N4BP1: variants seen among roughly 807,000 people sequenced by gnomAD.
N4BP1 encodes NEDD4 binding protein 1.
N4BP1 carries 21 observed loss-of-function variants against 70.9 expected under a neutral mutation model. That is an observed-to-expected ratio of 0.30 (90% CI 0.21 to 0.43). N4BP1 has a LOEUF of 0.43. Ranked by LOEUF, N4BP1 falls within the 20% of genes least tolerant of loss-of-function variation. The probability of loss-of-function intolerance (pLI) is 1.00; values close to 1 mark genes in which losing one functional copy is unlikely to be tolerated. For missense variants in N4BP1, 936 were observed against 1,069.4 expected (o/e 0.88, Z 1.74); for synonymous variants, 387 against 394.6 (o/e 0.98, Z 0.23).
intron 1 of N4BP1, among the ~76,000 whole-genome samples, chr16:48,569,677 T>C (rs765003540): frequency 6.6e-6 from 1 of 152,176 alleles, no homozygotes; most frequent in African/African-American, 2.4e-5. Context: ...ATTATAGGCA[T>C]GAGCCACCAT....
intron 6 of N4BP1, among the ~76,000 whole-genome samples, chr16:48,544,424 CTG>C (rs1159170825): frequency 6.6e-6 from 1 of 152,176 alleles, no homozygotes; most frequent in Non-Finnish European, 1.5e-5. Flanking sequence ...GCTGAGAGAG[CTG>C]TGTGTCTTCC....
Position 48,610,077 on chromosome 16 carries a change from G to C in N4BP1, c.-105C>G. On this transcript the variant is annotated 5_prime_UTR_variant, in exon 1 of 7. Coordinates refer to ENST00000262384, the MANE Select transcript of N4BP1 (RefSeq NM_153029.4). ...CAGTCAGGCGGCGTCGGCCCTTCCC[G>C]GCCGCCTCGCCCCCGCCCGCGCCCC... 2 of 604,734 alleles carry C rather than the reference G, an allele frequency of 3.3e-6. No individual in the cohort carries two copies. The highest frequency in any genetic ancestry group is 4.2e-6 in the Non-Finnish European group (2 of 478,686). The allele number at this position is 604,734 out of a possible 1,614,324, so 37.5% of individuals were successfully genotyped here. A position where few individuals can be genotyped will look rare whatever the true frequency, so the allele number is the denominator to read the frequency against.
chr16:48,604,127 C>T (rs1964541895), intron 1 of N4BP1, among the ~76,000 whole-genome samples: 1 of 152,356 alleles, frequency 6.6e-6, no homozygotes, highest in Non-Finnish European at 1.5e-5. Flanking sequence ...CTTAAGTTTT[C>T]AGTCTGCAGC....
intron 1 of N4BP1, among the ~76,000 whole-genome samples, chr16:48,576,096 A>T (rs1964089229): frequency 6.6e-6 from 1 of 152,098 alleles, no homozygotes; most frequent in African/African-American, 2.4e-5. Flanking sequence ...CTAAGAGAAA[A>T]GGAGAATATG....
In N4BP1 at chr16:48,561,867, G is replaced by C; in HGVS notation, c.776C>G (p.Pro259Arg). The change falls in exon 2 of 7, where the codon CCA (proline) becomes CGA (arginine). Residue 259 changes from proline (P) to arginine (R), a missense_variant. Around this residue, in one of 4 missense-constraint regions of N4BP1, gnomAD observed 515 missense variants for 491.7 expected, o/e 1.05. Coordinates refer to ENST00000262384, the MANE Select transcript of N4BP1 (RefSeq NM_153029.4). ...ATTTATTGGATCAAAAAGCACATCT[G>C]GTGAGCTAGAAAGGACTGTGTCCAT... ...KQMDTVLSSS[P>R]DVLFDPINGL... 1 of 1,613,878 alleles carries C rather than the reference G, an allele frequency of 6.2e-7. No individual in the cohort carries two copies. The highest frequency in any genetic ancestry group is 8.5e-7 in the Non-Finnish European group (1 of 1,179,890).
At chr16:48,586,439 AGTT>A (rs527976189) in intron 1 of N4BP1, among the ~76,000 whole-genome samples, 1 of 152,150 alleles carries the variant, frequency 6.6e-6, no homozygotes, top group Non-Finnish European at 1.5e-5. Context: ...GTCTTTTTCC[AGTT>A]GTTTTCTCCT....
At chr16:48,594,926 T>C (rs1171065581) in intron 1 of N4BP1, among the ~76,000 whole-genome samples, 1 of 152,214 alleles carries the variant, frequency 6.6e-6, no homozygotes, top group Non-Finnish European at 1.5e-5. Context: ...CTGTCTTGTT[T>C]TGATCCTCTT....
intron 6 of N4BP1, among the ~76,000 whole-genome samples, chr16:48,545,216 C>T (rs1362932843): frequency 6.6e-6 from 1 of 151,736 alleles, no homozygotes; most frequent in Non-Finnish European, 1.5e-5. Flanking sequence ...CTACCTGCCT[C>T]GGCCTCACAA....
chr16:48,548,674 C>T (rs1963622907), intron 4 of N4BP1, among the ~76,000 whole-genome samples: 1 of 151,796 alleles, frequency 6.6e-6, no homozygotes, highest in Admixed American at 6.6e-5. Flanking sequence ...TGGTGAAACC[C>T]CGTCTCTACA....
intron 4 of N4BP1, 84 bp downstream of exon 4, chr16:48,551,302 A>T: frequency 1.1e-6 from 1 of 944,650 alleles, no homozygotes; most frequent in African/African-American, 1.6e-5. Context: ...AGGTCCTCTA[A>T]AAGTGTGGAC....
chr16:48,584,600 C>G (rs1258111167), intron 1 of N4BP1, among the ~76,000 whole-genome samples: 1 of 137,904 alleles, frequency 7.3e-6, no homozygotes, highest in Non-Finnish European at 1.6e-5. Flanking sequence ...ACATGTTAGC[C>G]TTTTAAGGAC....
Position 48,561,169 on chromosome 16 carries a change from G to A in N4BP1, c.1474C>T (p.Leu492Phe). 2 of 1,613,960 alleles carry A rather than the reference G, an allele frequency of 1.2e-6. No homozygotes were observed. The highest frequency in any genetic ancestry group is 1.7e-6 in the Non-Finnish European group (2 of 1,179,868). ...CTTGGAGAGGCAACAGAAGGTGAAA[G>A]GCCATCAGTTTCAGGGTCTGTGTTA... ...ICNTDPETDGLSPSVASPSPK... is the reference protein window; with the variant it reads ...ICNTDPETDGFSPSVASPSPK... Residue 492 changes from leucine (L) to phenylalanine (F), a missense_variant, in exon 2 of 7, where the codon CTT becomes TTT. This residue lies in a region of N4BP1 where 515 missense variants were observed against 491.7 expected (regional missense o/e 1.05). Coordinates refer to ENST00000262384, the MANE Select transcript of N4BP1 (RefSeq NM_153029.4).
rs1030210344 is a variant in N4BP1, at chr16:48,540,973, G to A, written c.*1931C>T. The A allele has an allele frequency of 5.3e-5, 8 of 152,216 alleles. No homozygotes were observed. The highest frequency in any genetic ancestry group is 4.1e-4 in the South Asian group (2 of 4,830). 9.4% of individuals were successfully genotyped at this position (152,216 alleles called of 1,614,324 possible). ...TTCCCATAGCCGAGAAAGGGAAAGG[G>A]GACAGGCCAATCCCTCTGAAGCAGT... On this transcript the variant is annotated 3_prime_UTR_variant, in exon 7 of 7. Transcript: ENST00000262384.
chr16:48,542,913 C>T lies in N4BP1; in HGVS notation c.2682G>A (p.Val894=). The T allele has an allele frequency of 2.5e-6, 4 of 1,606,700 alleles. No individual in the cohort carries two copies. Among genetic ancestry groups the T allele is most frequent in the South Asian group, 1.1e-5 (1 of 90,690 alleles). ...GCGCTCAGCACAATCTTCAATCCAA[C>T]ACCATGGCAGAAAGCGCATTTAGAT... ...MKDLNALSAM[V]LD The change falls in exon 7 of 7, where the codon GTG becomes GTA. Residue 894 remains valine, a synonymous_variant. Transcript: ENST00000262384.
At chr16:48,573,399 C>T (rs1356108102) in intron 1 of N4BP1, among the ~76,000 whole-genome samples, 2 of 152,120 alleles carry the variant, frequency 1.3e-5, no homozygotes, top group African/African-American at 4.8e-5. Flanking sequence ...CAAGACCAGC[C>T]TGGCCAACAT....
At position 48,562,033 on chromosome 16, in the gene N4BP1, C is replaced by T; in HGVS notation, c.610G>A (p.Val204Ile). Residue 204 changes from valine (V) to isoleucine (I), a missense_variant, in exon 2 of 7, where the codon GTT (valine) becomes ATT (isoleucine). Transcript: ENST00000262384. ...ENLFETGDDE[V>I]IEMRDSQQTE... ...TGTTGAGAATCTCTCATTTCAATAA[C>T]CTCATCATCTCCTGTTTCAAAGAGA... 1 of 1,613,862 alleles carries T rather than the reference C, an allele frequency of 6.2e-7. No individual in the cohort carries two copies. The highest frequency in any genetic ancestry group is 8.5e-7 in the Non-Finnish European group (1 of 1,179,874).
chr16:48,556,723 C>T (rs1963760070), intron 2 of N4BP1, among the ~76,000 whole-genome samples: 1 of 152,092 alleles, frequency 6.6e-6, no homozygotes, highest in Non-Finnish European at 1.5e-5. Flanking sequence ...CTCATGGCAG[C>T]CATAGCACCA....
Position 48,553,527 on chromosome 16 carries a change from A to G in N4BP1, c.2020+12T>C. Reference sequence around the variant, plus strand: ...ATTTCACTAGAAATCTGAAAAAATCAGTTTGCCTCACCTGTGACATTAGGA... The same window carrying G: ...ATTTCACTAGAAATCTGAAAAAATCGGTTTGCCTCACCTGTGACATTAGGA... On this transcript the variant is annotated intron_variant, in intron 3 of 6. Transcript: ENST00000262384. The G allele has an allele frequency of 6.6e-7, 1 of 1,526,482 alleles. No individual in the cohort carries two copies. Among genetic ancestry groups the G allele is most frequent in the African/African-American group, 1.4e-5 (1 of 71,514 alleles). The allele number at this position is 1,526,482 out of a possible 1,614,324, so 94.6% of individuals were successfully genotyped here.
intron 1 of N4BP1, among the ~76,000 whole-genome samples, chr16:48,570,789 CT>C (rs1231561194): frequency 1.3e-5 from 2 of 151,916 alleles, no homozygotes; most frequent in Non-Finnish European, 2.9e-5. Context: ...TATGCTTACT[CT>C]TTTTTTTAAA....
Sources: gnomAD v4.1 joint callset for allele counts (sites outside exome capture counted in the v4.1 genomes callset) on GRCh38, gnomAD v4.1.1 for gene constraint, gnomAD v4.1.1 regional missense constraint, MANE v1.5 for transcripts, NCBI Gene and HGNC (gene_info 2026-07-23, HGNC 2026-07-21) for gene names.